VTA1: variants seen among roughly 807,000 people sequenced by gnomAD.
VTA1 encodes the protein vacuolar protein sorting-associated protein VTA1 homolog.
VTA1 carries 24 observed loss-of-function variants against 36.9 expected under a neutral mutation model. That is an observed-to-expected ratio of 0.65 (90% CI 0.47 to 0.91). The LOEUF is 0.91. VTA1 is among the 40% of genes least tolerant of loss of function. VTA1 has a pLI of 0.00. For synonymous variants in VTA1, 142 were observed against 130.2 expected, an observed-to-expected ratio of 1.09 and a Z score of -0.62; for missense variants, 393 against 377.2, an observed-to-expected ratio of 1.04 and a Z score of -0.35.
intron 1 of VTA1, among the ~76,000 whole-genome samples, chr6:142,161,408 T>A (rs529416883): frequency 6.6e-6 from 1 of 152,278 alleles, no homozygotes; most frequent in Admixed American, 6.5e-5. Context: ...TAGTTTTATG[T>A]TCTTATGGAT....
chr6:142,163,347 TC>T (rs1774846349), intron 1 of VTA1, among the ~76,000 whole-genome samples: 1 of 152,084 alleles, frequency 6.6e-6, no homozygotes, highest in African/African-American at 2.4e-5. Context: ...CTGCTGTCAT[TC>T]CCCCTTTTAT....
At chr6:142,189,567 T>C (rs1222878982) in intron 5 of VTA1, 33 bp downstream of exon 5, 9 of 1,546,798 alleles carry the variant, frequency 5.8e-6, no homozygotes, top group Non-Finnish European at 7.1e-6. Context: ...TAAAAGGACT[T>C]AGTAGAATCA....
chr6:142,192,702 T>TTGTGTGTG (rs35330800), intron 5 of VTA1, among the ~76,000 whole-genome samples: 1 of 149,236 alleles, frequency 6.7e-6, no homozygotes, highest in African/African-American at 2.5e-5. Flanking sequence ...TTTTATATAT[T>TTGTGTGTG]TGTGTGTGTG....
chr6:142,167,834 T>C (rs552528820), intron 2 of VTA1, among the ~76,000 whole-genome samples: 1 of 152,334 alleles, frequency 6.6e-6, no homozygotes, highest in Non-Finnish European at 1.5e-5. Flanking sequence ...GGGAATGGGT[T>C]GGGGTAGAAG....
At chr6:142,196,296 TC>T (rs1775551305) in intron 5 of VTA1, among the ~76,000 whole-genome samples, 1 of 152,182 alleles carries the variant, frequency 6.6e-6, no homozygotes, top group South Asian at 2.1e-4. Context: ...CAGCTAATAT[TC>T]CTTGTCATTG....
rs926416659 is a variant in VTA1 at position 142,220,992 on chromosome 6, C to T, written c.*2349C>T. The stretch of plus-strand genomic sequence containing the variant: ...TGATTAGAAATACAAATTTTGGGCC[C>T]CACCTGTCCTACCCAATCAGAAACT... On this transcript the variant is annotated 3_prime_UTR_variant, in exon 8 of 8. Coordinates refer to ENST00000367630, the MANE Select transcript of VTA1 (RefSeq NM_016485.5). 4.6e-5 allele frequency: 7 copies of T among 152,074 alleles called. No homozygotes were observed. Among genetic ancestry groups the T allele is most frequent in the African/African-American group, 7.2e-5 (3 of 41,386 alleles). 9.4% of individuals were successfully genotyped at this position (152,074 alleles called of 1,614,324 possible).
intron 5 of VTA1, among the ~76,000 whole-genome samples, chr6:142,191,263 A>G (rs1775449912): frequency 6.6e-6 from 1 of 152,088 alleles, no homozygotes; most frequent in African/African-American, 2.4e-5. Flanking sequence ...TTTTTGTGAA[A>G]CCAACTAGCT....
At chr6:142,194,913 CT>C (rs1444115548) in intron 5 of VTA1, among the ~76,000 whole-genome samples, 6 of 151,946 alleles carry the variant, frequency 3.9e-5, no homozygotes, top group African/African-American at 9.7e-5. Context: ...TATCATAGGA[CT>C]TTTTTTCTTC....
intron 5 of VTA1, among the ~76,000 whole-genome samples, chr6:142,194,069 T>TTTAGA (rs1775500777): frequency 6.6e-6 from 1 of 152,088 alleles, no homozygotes; most frequent in African/African-American, 2.4e-5. Flanking sequence ...GGTCCAGTGA[T>TTTAGA]ATGGGGCATG....
intron 4 of VTA1, among the ~76,000 whole-genome samples, chr6:142,186,082 C>G (rs184421145): frequency 6.6e-6 from 1 of 152,002 alleles, no homozygotes; most frequent in Non-Finnish European, 1.5e-5. Context: ...AGAGTCTGAC[C>G]TTTGATTGGG....
intron 4 of VTA1, among the ~76,000 whole-genome samples, chr6:142,174,958 C>T (rs990407705): frequency 3.3e-5 from 5 of 152,096 alleles, no homozygotes; most frequent in Admixed American, 6.6e-5. Flanking sequence ...ATGCAGCCTG[C>T]GGAATGTGAA....
chr6:142,173,287 A>G (rs760004804), intron 4 of VTA1, among the ~76,000 whole-genome samples: 2 of 152,250 alleles, frequency 1.3e-5, no homozygotes, highest in Non-Finnish European at 2.9e-5. Flanking sequence ...TTGCAGTGTA[A>G]GAGGAAGAAG....
At chr6:142,186,928 A>G (rs1775352098) in intron 4 of VTA1, among the ~76,000 whole-genome samples, 1 of 152,126 alleles carries the variant, frequency 6.6e-6, no homozygotes. Flanking sequence ...GGCAACTGAT[A>G]TGATGTATGA....
chr6:142,148,640 A>G (rs1778507263), intron 1 of VTA1, among the ~76,000 whole-genome samples: 1 of 152,178 alleles, frequency 6.6e-6, no homozygotes, highest in Non-Finnish European at 1.5e-5. Flanking sequence ...AACAATATAG[A>G]GTCTATCATA....
intron 1 of VTA1, among the ~76,000 whole-genome samples, chr6:142,148,082 G>A (rs1357776133): frequency 6.6e-6 from 1 of 152,202 alleles, no homozygotes; most frequent in African/African-American, 2.4e-5. Context: ...AACTTGTAGT[G>A]AGTAAAGGGA....
intron 1 of VTA1, among the ~76,000 whole-genome samples, chr6:142,148,118 A>G (rs1415782995): frequency 6.6e-6 from 1 of 152,184 alleles, no homozygotes; most frequent in Admixed American, 6.5e-5. Flanking sequence ...TGTTAACTTT[A>G]TTTTGTATTC....
At chr6:142,180,276 T>G (rs1449874654) in intron 4 of VTA1, among the ~76,000 whole-genome samples, 1 of 152,186 alleles carries the variant, frequency 6.6e-6, no homozygotes, top group African/African-American at 2.4e-5. Context: ...AGTGTTATCA[T>G]AATCATAGGA....
At chr6:142,213,621 G>A (rs527679060) in intron 7 of VTA1, among the ~76,000 whole-genome samples, 1 of 152,318 alleles carries the variant, frequency 6.6e-6, no homozygotes, top group African/African-American at 2.4e-5. Context: ...CTAGACATCT[G>A]GGCATTTCCA....
chr6:142,172,690 C>T (rs1388219454), intron 4 of VTA1, among the ~76,000 whole-genome samples: 1 of 152,102 alleles, frequency 6.6e-6, no homozygotes, highest in African/African-American at 2.4e-5. Context: ...TAGTGTGAGG[C>T]ACTATGCTAA....
Sources: allele counts gnomAD v4.1 joint callset (sites outside exome capture counted in the v4.1 genomes callset), GRCh38; gene constraint gnomAD v4.1.1; transcripts MANE v1.5; gene names NCBI Gene and HGNC (gene_info 2026-07-23, HGNC 2026-07-21).